Variants in EML1 observed in about 807,000 individuals in gnomAD.
EML1 encodes the protein echinoderm microtubule-associated protein-like 1.
Under a neutral mutation model 110.4 loss-of-function variants are expected in EML1, and 27 were observed. That is an observed-to-expected ratio of 0.24 (90% CI 0.18 to 0.34). The LOEUF (loss-of-function observed/expected upper bound fraction) is 0.34. EML1 is among the 10% of genes least tolerant of loss of function. EML1 has a pLI of 1.00. For synonymous variants in EML1, 344 were observed against 385.8 expected (o/e 0.89, Z 1.27); for missense variants, 741 against 1,030.9 (o/e 0.72, Z 3.85).
intron 1 of EML1, among the ~76,000 whole-genome samples, chr14:99,775,472 G>C (rs990114874): frequency 6.6e-6 from 1 of 152,238 alleles, no homozygotes; most frequent in African/African-American, 2.4e-5. Context: ...GAGATGGAAA[G>C]AGTGAGGCAG....
chr14:99,768,351 G>A (rs898564904), upstream of EML1, among the ~76,000 whole-genome samples: 2 of 152,154 alleles, frequency 1.3e-5, no homozygotes, highest in Admixed American at 6.5e-5. Context: ...AGGGTCTCAC[G>A]GAGCCGCTGT....
intron 1 of EML1, among the ~76,000 whole-genome samples, chr14:99,807,748 T>C (rs1407844660): frequency 6.6e-6 from 1 of 152,194 alleles, no homozygotes; most frequent in African/African-American, 2.4e-5. Flanking sequence ...AGACGGGGTC[T>C]GCAGGGCAGG....
chr14:99,850,435 A>G, intron 1 of EML1: 2 of 947,584 alleles, frequency 2.1e-6, no homozygotes, highest in Non-Finnish European at 2.9e-6. Flanking sequence ...TTGTGATTGT[A>G]TGACCTACCT....
chr14:99,791,673 A>G (rs2057674498), upstream of EML1, among the ~76,000 whole-genome samples: 1 of 152,144 alleles, frequency 6.6e-6, no homozygotes, highest in East Asian at 1.9e-4. Flanking sequence ...CACTGCAGAC[A>G]TCCTGGGCTG....
chr14:99,786,875 A>C (rs2057606356), intron 1 of EML1, among the ~76,000 whole-genome samples: 1 of 152,204 alleles, frequency 6.6e-6, no homozygotes, highest in African/African-American at 2.4e-5. Flanking sequence ...AAACCAGGAC[A>C]CAGGCTACTG....
At chr14:99,921,724 AG>A (rs1457158629) in intron 17 of EML1, among the ~76,000 whole-genome samples, 2 of 152,170 alleles carry the variant, frequency 1.3e-5, no homozygotes, top group Non-Finnish European at 2.9e-5. Flanking sequence ...CAAAAAGATG[AG>A]GACTCTTTTT....
chr14:99,791,327 G>C (rs755560595), upstream of EML1, among the ~76,000 whole-genome samples: 2 of 152,238 alleles, frequency 1.3e-5, no homozygotes, highest in South Asian at 2.1e-4. Context: ...AGAACTCTAC[G>C]CAAATGCCCA....
chr14:99,763,326 C>T, intron 1 of EML1, among the ~76,000 whole-genome samples: 1 of 152,302 alleles, frequency 6.6e-6, no homozygotes, highest in Non-Finnish European at 1.5e-5. Context: ...GTGTGTGCAT[C>T]TATAAATATA....
intron 1 of EML1, among the ~76,000 whole-genome samples, chr14:99,807,350 T>C (rs554926587): frequency 6.6e-6 from 1 of 152,342 alleles, no homozygotes; most frequent in South Asian, 2.1e-4. Context: ...CTCAGTTTCC[T>C]CAGCTCTAAC....
chr14:99,866,901 A>G (rs1000354284), intron 3 of EML1, among the ~76,000 whole-genome samples: 13 of 152,092 alleles, frequency 8.5e-5, no homozygotes, highest in Admixed American at 5.9e-4. Context: ...GCTGGATAAT[A>G]TTGCATTGTG....
intron 1 of EML1, among the ~76,000 whole-genome samples, chr14:99,834,719 G>A (rs557530431): frequency 6.6e-6 from 1 of 152,296 alleles, no homozygotes; most frequent in Admixed American, 6.5e-5. Flanking sequence ...TTCCTTATCA[G>A]TTATCTGAAA....
At chr14:99,881,530 T>C (rs2059383660) in intron 4 of EML1, among the ~76,000 whole-genome samples, 1 of 152,150 alleles carries the variant, frequency 6.6e-6, no homozygotes, top group Admixed American at 6.5e-5. Flanking sequence ...GTCCTAAATA[T>C]TAACCTTTTC....
At chr14:99,889,213 C>T (rs571239352) in intron 4 of EML1, among the ~76,000 whole-genome samples, 1 of 151,898 alleles carries the variant, frequency 6.6e-6, no homozygotes, top group Admixed American at 6.5e-5. Context: ...ACTCCATCTG[C>T]ACACCAAGCC....
At chr14:99,875,033 A>G in intron 3 of EML1, 1 of 1,584,706 alleles carries the variant, frequency 6.3e-7, no homozygotes. Context: ...TGTTCCTTCC[A>G]TTGTTTCCAT....
intron 11 of EML1, 110 bp downstream of exon 11, chr14:99,909,589 A>G: frequency 7.0e-7 from 1 of 1,420,974 alleles, no homozygotes; most frequent in South Asian, 1.3e-5. Context: ...GATCCCTCAC[A>G]TAGTTGGGAA....
At chr14:99,937,721 CT>C in intron 19 of EML1, 95 bp from the exon 20 acceptor site, 1 of 1,110,030 alleles carries the variant, frequency 9.0e-7, no homozygotes, top group Non-Finnish European at 1.4e-6. Context: ...AGGAAGGGCT[CT>C]GTACCCAACG....
rs2059833135 is a variant in EML1 at position 99,905,650 on chromosome 14, C to T, written c.1009-1988C>T. Reference sequence around the variant, plus strand: ...CATGCCTAATTCTGTCACCCTTAGCCATCAGCAAAGAGTGCAAGGCAGATA... The same window carrying T: ...CATGCCTAATTCTGTCACCCTTAGCTATCAGCAAAGAGTGCAAGGCAGATA... On this transcript the variant is annotated intron_variant, in intron 9 of 21. Coordinates refer to ENST00000262233, the MANE Select transcript of EML1 (RefSeq NM_004434.3). The surrounding 1 kb of genome is among the most constrained non-coding windows in gnomAD (Gnocchi z 4.1). Among the ~76,000 whole-genome samples, 1 of 152,192 alleles carries T rather than the reference C, an allele frequency of 6.6e-6. No homozygotes were observed. The highest frequency in any genetic ancestry group is 2.1e-4 in the South Asian group (1 of 4,822).
At chr14:99,885,729 T>G (rs1257123844) in intron 4 of EML1, 4 of 328,826 alleles carry the variant, frequency 1.2e-5, no homozygotes, top group Non-Finnish European at 2.4e-5. Flanking sequence ...AGCTGAGGAG[T>G]CTGGAAATAC....
chr14:99,830,014 T>C (rs1277000019), intron 1 of EML1, among the ~76,000 whole-genome samples: 3 of 152,150 alleles, frequency 2.0e-5, no homozygotes, highest in Non-Finnish European at 4.4e-5. Context: ...TACCTAGGAG[T>C]AGAATTGCCG....
Sources: allele counts gnomAD v4.1 joint callset (sites outside exome capture counted in the v4.1 genomes callset), GRCh38; gene constraint gnomAD v4.1.1; non-coding constraint Gnocchi (gnomAD v3.1); transcripts MANE v1.5; gene names NCBI Gene and HGNC (gene_info 2026-07-23, HGNC 2026-07-21).